The following DPYSL5 variants were observed in gnomAD, a reference collection of about 807,000 sequenced individuals.
DPYSL5 encodes the protein dihydropyrimidinase-related protein 5.
A neutral mutation model predicts 58.4 loss-of-function variants in DPYSL5; 9 were observed. The observed-to-expected ratio is 0.15, with a 90% CI of 0.09 to 0.27. The LOEUF is 0.27. Among genes scored for constraint, DPYSL5 ranks in the 10% least tolerant of loss-of-function variants. The pLI is 1.00. For synonymous variants in DPYSL5, 293 were observed against 301.9 expected (o/e 0.97, Z 0.31); for missense variants, 499 against 770.6 (o/e 0.65, Z 4.17).
chr2:26,896,250 A>G (rs534146631), intron 1 of DPYSL5, among the ~76,000 whole-genome samples: 1 of 152,150 alleles, frequency 6.6e-6, no homozygotes, highest in African/African-American at 2.4e-5. Flanking sequence ...GCAGTATTCT[A>G]TTGTGTGTAT....
chr2:26,944,539 G>A lies in DPYSL5; in HGVS notation c.1441-117G>A, dbSNP rs918504642. On this transcript the variant is annotated intron_variant, in intron 11 of 12. Coordinates refer to ENST00000288699, the MANE Select transcript of DPYSL5 (RefSeq NM_020134.4). This position sits in a 1 kb window ranked among gnomAD's most constrained non-coding sequence, Gnocchi z 4.4. ...GCCTTGGTCACTTGCAGTGATTTGG[G>A]TCTTGGGCAGAGTGGCAGTGTCTAA... 3.3e-6 allele frequency: 4 copies of A among 1,194,188 alleles called. No homozygotes were observed. In the African/African-American group the frequency reaches 4.6e-5, roughly 14 times the overall value. The allele number at this position is 1,194,188 out of a possible 1,614,324, so 74.0% of individuals were successfully genotyped here.
intron 8 of DPYSL5, chr2:26,939,194 T>C (rs574043138): frequency 1.6e-4 from 24 of 152,242 alleles, no homozygotes; most frequent in East Asian, 1.2e-3. Flanking sequence ...CTGGAGTGCA[T>C]TGGGGCTATC....
In DPYSL5 at chr2:26,934,095, G is replaced by A. The variant is rs1665108419; in HGVS notation, c.791-483G>A. The stretch of plus-strand genomic sequence containing the variant: ...CTCGCCTAGACTGTCGTCCCAGCCT[G>A]GTGACTGCTCCCACCTCCTGTCTCC... On this transcript the variant is annotated intron_variant, in intron 7 of 12. Transcript: ENST00000288699. The surrounding 1 kb of genome is among the most constrained non-coding windows in gnomAD (Gnocchi z 4.3). Among the ~76,000 whole-genome samples, 1 of 152,170 alleles carries A rather than the reference G, an allele frequency of 6.6e-6. No individual in the cohort carries two copies. The highest frequency in any genetic ancestry group is 2.1e-4 in the South Asian group (1 of 4,824).
At chr2:26,903,654 G>C (rs1232426669) in intron 2 of DPYSL5, among the ~76,000 whole-genome samples, 5 of 152,024 alleles carry the variant, frequency 3.3e-5, no homozygotes, top group Non-Finnish European at 7.4e-5. Flanking sequence ...AATCCCCTGG[G>C]TCTGCCTTGG....
chr2:26,861,602 G>A (rs974389655), intron 1 of DPYSL5, among the ~76,000 whole-genome samples: 1 of 152,190 alleles, frequency 6.6e-6, no homozygotes, highest in Admixed American at 6.5e-5. Flanking sequence ...TTTGGTCTCG[G>A]ATGATGGGTT....
intron 1 of DPYSL5, among the ~76,000 whole-genome samples, chr2:26,890,314 G>A (rs1423693826): frequency 1.3e-5 from 2 of 152,220 alleles, no homozygotes; most frequent in African/African-American, 4.8e-5. Flanking sequence ...GGAAAGGAGT[G>A]AAGTTATAGA....
At chr2:26,850,656 C>T (rs1375050271) in intron 1 of DPYSL5, among the ~76,000 whole-genome samples, 1 of 152,222 alleles carries the variant, frequency 6.6e-6, no homozygotes, top group Admixed American at 6.5e-5. Flanking sequence ...TGTTGGTTCT[C>T]TTAACCCAGC....
rs1287942261 is a variant in DPYSL5, at chr2:26,932,131, A to AAG, written c.714+449_714+450dup. On this transcript the variant is annotated intron_variant, in intron 6 of 12. Transcript: ENST00000288699. Reference sequence around the variant, plus strand: ...AGAAAAGAAAAAAGAAAGAGAAAGAAAGAAAGAGAAAGAAAGAAAGAAAGA... The same window carrying AAG: ...AGAAAAGAAAAAAGAAAGAGAAAGAAAGAGAAAGAGAAAGAAAGAAAGAAAGA... Among the ~76,000 whole-genome samples the AAG allele has an allele frequency of 1.1e-3, 148 of 139,316 alleles. 5 individuals carry two copies. The highest frequency in any genetic ancestry group is 3.8e-3 in the African/African-American group (135 of 35,232). The allele number at this position is 139,316 out of a possible 152,430, so 91.4% of individuals were successfully genotyped here.
rs1011069254 is a variant in DPYSL5, at chr2:26,905,465, C to A, written c.261+6705C>A. Among the ~76,000 whole-genome samples, 1 of 152,186 alleles carries A rather than the reference C, an allele frequency of 6.6e-6. No homozygotes were observed. Among genetic ancestry groups the A allele is most frequent in the Non-Finnish European group, 1.5e-5 (1 of 68,038 alleles). The stretch of plus-strand genomic sequence containing the variant: ...ACAATGAAATTGCTCCACTGTGCAC[C>A]GAGTGCCCATGCTACCTGTGTCCCT... On this transcript the variant is annotated intron_variant, in intron 2 of 12. Transcript: ENST00000288699. The surrounding 1 kb of genome is among the most constrained non-coding windows in gnomAD (Gnocchi z 4.0).
At chr2:26,937,331 T>G (rs1326437502) in intron 8 of DPYSL5, among the ~76,000 whole-genome samples, 1 of 152,164 alleles carries the variant, frequency 6.6e-6, no homozygotes, top group Non-Finnish European at 1.5e-5. Flanking sequence ...TTTAATCCCT[T>G]TTTAATCAGT....
chr2:26,891,977 A>T (rs746464208), intron 1 of DPYSL5, among the ~76,000 whole-genome samples: 2 of 152,210 alleles, frequency 1.3e-5, no homozygotes, highest in African/African-American at 2.4e-5. Flanking sequence ...CTGGCCTAAA[A>T]AAAGGCTTTT....
At chr2:26,869,897 G>A (rs1663214159) in intron 1 of DPYSL5, among the ~76,000 whole-genome samples, 1 of 152,176 alleles carries the variant, frequency 6.6e-6, no homozygotes, top group South Asian at 2.1e-4. Context: ...TGTAGTCCCA[G>A]CTACTTGGGA....
chr2:26,936,073 C>G (rs1364157065), intron 8 of DPYSL5, among the ~76,000 whole-genome samples: 1 of 152,186 alleles, frequency 6.6e-6, no homozygotes, highest in Non-Finnish European at 1.5e-5. Flanking sequence ...CACAAGTGAA[C>G]CTCTTGAAGT....
At chr2:26,880,352 G>A (rs1663525454) in intron 1 of DPYSL5, among the ~76,000 whole-genome samples, 1 of 152,174 alleles carries the variant, frequency 6.6e-6, no homozygotes, top group Admixed American at 6.5e-5. Flanking sequence ...CATAATCACT[G>A]CCCTCCCTGT....
At chr2:26,940,287 G>A in intron 9 of DPYSL5, 115 bp downstream of exon 9, 4 of 1,322,320 alleles carry the variant, frequency 3.0e-6, no homozygotes, top group Non-Finnish European at 4.0e-6. Context: ...AATGTTCTTA[G>A]AAGGGCTGGT....
chr2:26,908,737 T>C (rs763749793), intron 2 of DPYSL5, among the ~76,000 whole-genome samples: 40 of 152,240 alleles, frequency 2.6e-4, no homozygotes, highest in Non-Finnish European at 4.4e-4. Flanking sequence ...TGGCAATCTT[T>C]CGTGCTTAGT....
chr2:26,914,303 C>T (rs993808967), intron 2 of DPYSL5, among the ~76,000 whole-genome samples: 4 of 152,204 alleles, frequency 2.6e-5, no homozygotes, highest in Admixed American at 6.5e-5. Context: ...TGTACCCTTC[C>T]GGTAGATTCT....
At position 26,873,354 on chromosome 2, in the gene DPYSL5, G is replaced by C. The variant is rs549579570; in HGVS notation, c.-5+25100G>C. ...CCCCTTCCTCTCCACCACCACCTCC[G>C]CTCGTGCTCCCCCTCACCCCCCTGG... On this transcript the variant is annotated intron_variant, in intron 1 of 12. Coordinates refer to ENST00000288699, the MANE Select transcript of DPYSL5 (RefSeq NM_020134.4). Among the ~76,000 whole-genome samples, 398 of 151,846 alleles carry C rather than the reference G, an allele frequency of 2.6e-3. 1 individual carries two copies. The highest frequency in any genetic ancestry group is 9.3e-3 in the African/African-American group (383 of 41,366).
chr2:26,864,991 G>A (rs1392636495), intron 1 of DPYSL5, among the ~76,000 whole-genome samples: 10 of 152,230 alleles, frequency 6.6e-5, no homozygotes, highest in Admixed American at 3.9e-4. Context: ...AGACCCCCTC[G>A]TTGCCCTGAG....
Sources: allele counts gnomAD v4.1 joint callset (sites outside exome capture counted in the v4.1 genomes callset), GRCh38; gene constraint gnomAD v4.1.1; non-coding constraint Gnocchi (gnomAD v3.1); transcripts MANE v1.5; gene names NCBI Gene and HGNC (gene_info 2026-07-23, HGNC 2026-07-21).